Variants in ADGRL3 observed in about 807,000 individuals in gnomAD.
ADGRL3 encodes calcium-independent alpha-latrotoxin receptor 3.
ADGRL3 carries 62 observed loss-of-function variants against 153.5 expected under a neutral mutation model. That is an observed-to-expected ratio of 0.40 (90% CI 0.33 to 0.50). ADGRL3 has a LOEUF of 0.50. Ranked by LOEUF, ADGRL3 falls within the 20% of genes least tolerant of loss-of-function variation. The probability of loss-of-function intolerance (pLI) is 0.47; values close to 1 mark genes in which losing one functional copy is unlikely to be tolerated. For missense variants in ADGRL3, 1,641 were observed against 1,859.4 expected (o/e 0.88, Z 2.16); for synonymous variants, 710 against 672.5 (o/e 1.06, Z -0.86).
intron 2 of ADGRL3, among the ~76,000 whole-genome samples, chr4:61,394,523 C>T (rs1239539408): frequency 1.3e-5 from 2 of 151,714 alleles, no homozygotes; most frequent in Non-Finnish European, 1.5e-5. Flanking sequence ...TTTATTTGGC[C>T]CAGGAATACC....
chr4:61,301,813 A>G (rs1431203384), intron 1 of ADGRL3, among the ~76,000 whole-genome samples: 1 of 152,220 alleles, frequency 6.6e-6, no homozygotes, highest in Non-Finnish European at 1.5e-5. Flanking sequence ...ACTAAAAAGA[A>G]CATAAAAAAT....
intron 9 of ADGRL3, among the ~76,000 whole-genome samples, chr4:61,828,851 C>G (rs2097841005): frequency 6.6e-6 from 1 of 152,210 alleles, no homozygotes; most frequent in Admixed American, 6.5e-5. Flanking sequence ...TGCCCCTTCT[C>G]CTGTTAAATG....
intron 1 of ADGRL3, among the ~76,000 whole-genome samples, chr4:61,269,943 C>T (rs1367315667): frequency 6.6e-6 from 1 of 151,640 alleles, no homozygotes; most frequent in African/African-American, 2.4e-5. Context: ...AATTAAATGG[C>T]ATGCTCAAAG....
intron 1 of ADGRL3, among the ~76,000 whole-genome samples, chr4:61,240,641 A>G (rs190332683): frequency 6.6e-6 from 1 of 152,168 alleles, no homozygotes; most frequent in East Asian, 1.9e-4. Flanking sequence ...TTTTTAAACA[A>G]ATTTTAAGAA....
At chr4:61,319,038 A>G (rs2095298484) in intron 1 of ADGRL3, among the ~76,000 whole-genome samples, 1 of 152,166 alleles carries the variant, frequency 6.6e-6, no homozygotes, top group African/African-American at 2.4e-5. Flanking sequence ...AAAGATACTA[A>G]TTGGCTTGTT....
chr4:61,931,090 G>A (rs2098815685), intron 13 of ADGRL3, among the ~76,000 whole-genome samples: 1 of 152,086 alleles, frequency 6.6e-6, no homozygotes, highest in South Asian at 2.1e-4. Flanking sequence ...TGATTATAAA[G>A]CTTCTAAGAT....
intron 8 of ADGRL3, among the ~76,000 whole-genome samples, chr4:61,756,448 G>C (rs1393240406): frequency 6.6e-6 from 1 of 152,160 alleles, no homozygotes; most frequent in South Asian, 2.1e-4. Context: ...AAGAATGCTT[G>C]TGATTTTTGC....
intron 8 of ADGRL3, among the ~76,000 whole-genome samples, chr4:61,797,954 C>T (rs769472855): frequency 3.5e-4 from 53 of 152,206 alleles, no homozygotes; most frequent in Middle Eastern, 3.4e-3. Context: ...TTACGAAAAT[C>T]GCTGGATCAC....
At chr4:61,899,859 T>C (rs2098654386) in intron 11 of ADGRL3, among the ~76,000 whole-genome samples, 1 of 152,170 alleles carries the variant, frequency 6.6e-6, no homozygotes, top group South Asian at 2.1e-4. Flanking sequence ...TGGGGCCTCA[T>C]TTATAAGGGT....
intron 3 of ADGRL3, among the ~76,000 whole-genome samples, chr4:61,506,955 T>C (rs967250008): frequency 6.6e-6 from 1 of 152,118 alleles, no homozygotes; most frequent in African/African-American, 2.4e-5. Context: ...AAACCCTCTG[T>C]ATTTATAAAA....
chr4:61,430,777 T>G (rs1027977368), intron 2 of ADGRL3, among the ~76,000 whole-genome samples: 1 of 152,154 alleles, frequency 6.6e-6, no homozygotes, highest in Non-Finnish European at 1.5e-5. Context: ...CACCACTAAA[T>G]GACTATGTAG....
chr4:61,861,141 C>A (rs895822141), intron 9 of ADGRL3, among the ~76,000 whole-genome samples: 7 of 152,154 alleles, frequency 4.6e-5, no homozygotes, highest in Admixed American at 2.0e-4. Flanking sequence ...TCAGGATTAC[C>A]AGGGAAGGAC....
chr4:61,575,201 T>C (rs1051399089), intron 4 of ADGRL3, among the ~76,000 whole-genome samples: 4 of 151,978 alleles, frequency 2.6e-5, no homozygotes, highest in Admixed American at 1.3e-4. Context: ...CAATAACTTA[T>C]TGATTCAAGT....
intron 5 of ADGRL3, among the ~76,000 whole-genome samples, chr4:61,618,138 C>T (rs1055812603): frequency 6.6e-6 from 1 of 152,040 alleles, no homozygotes; most frequent in Admixed American, 6.6e-5. Context: ...ATTGGTGCAA[C>T]CTTAAAACCA....
chr4:61,471,630 A>C (rs186788401), intron 2 of ADGRL3, among the ~76,000 whole-genome samples: 1 of 152,084 alleles, frequency 6.6e-6, no homozygotes, highest in East Asian at 1.9e-4. Flanking sequence ...ACTACATTGA[A>C]TTTTAAGATC....
chr4:61,614,815 A>G (rs1404454906), intron 5 of ADGRL3, among the ~76,000 whole-genome samples: 2 of 152,190 alleles, frequency 1.3e-5, no homozygotes, highest in Non-Finnish European at 2.9e-5. Context: ...ACCAGTCATT[A>G]TAATCTATTT....
intron 9 of ADGRL3, among the ~76,000 whole-genome samples, chr4:61,872,373 A>G (rs2149398748): frequency 6.6e-6 from 1 of 151,756 alleles, no homozygotes; most frequent in South Asian, 2.1e-4. Context: ...ATGCCTGCCA[A>G]CATACCATTT....
chr4:61,848,673 T>C (rs751385720), intron 9 of ADGRL3, among the ~76,000 whole-genome samples: 1 of 152,166 alleles, frequency 6.6e-6, no homozygotes, highest in Non-Finnish European at 1.5e-5. Flanking sequence ...TCCAAGAGAC[T>C]ATTGTCTAAT....
At chr4:61,657,956 T>G (rs2094486900) in intron 5 of ADGRL3, among the ~76,000 whole-genome samples, 1 of 152,156 alleles carries the variant, frequency 6.6e-6, no homozygotes, top group African/African-American at 2.4e-5. Flanking sequence ...ATCAAATGCT[T>G]GATGAAAGAC....
Sources: allele counts gnomAD v4.1 joint callset (sites outside exome capture counted in the v4.1 genomes callset), GRCh38; gene constraint gnomAD v4.1.1; transcripts MANE v1.5; gene names NCBI Gene and HGNC (gene_info 2026-07-23, HGNC 2026-07-21).